The following SAMD13 variants were observed in gnomAD, a reference collection of about 807,000 sequenced individuals.
SAMD13 encodes the protein sterile alpha motif domain-containing protein 13.
A neutral mutation model predicts 12.4 loss-of-function variants in SAMD13; 9 were observed. That is an observed-to-expected ratio of 0.72 (90% CI 0.44 to 1.26). The LOEUF is 1.26. Ranked by LOEUF, SAMD13 falls within the 50% of genes most tolerant of loss-of-function variation. The pLI is 0.00. For synonymous variants in SAMD13, 46 were observed against 45.4 expected, an observed-to-expected ratio of 1.01 and a Z score of -0.05; for missense variants, 84 against 119.6, an observed-to-expected ratio of 0.70 and a Z score of 1.39.
chr1:84,298,596 G>T, upstream of SAMD13: 1 of 1,283,022 alleles, frequency 7.8e-7, no homozygotes. Context: ...CGCCCAGGGC[G>T]TGGGAAGGCG....
At chr1:84,322,230 C>A (rs534423195) in intron 2 of SAMD13, among the ~76,000 whole-genome samples, 2 of 152,192 alleles carry the variant, frequency 1.3e-5, no homozygotes, top group South Asian at 4.2e-4. Flanking sequence ...TCCTTGTAAC[C>A]CTGCATCTAG....
intron 3 of SAMD13, among the ~76,000 whole-genome samples, chr1:84,326,671 A>G (rs985292510): frequency 2.6e-5 from 4 of 152,120 alleles, no homozygotes; most frequent in Non-Finnish European, 4.4e-5. Context: ...TAAGCATTAC[A>G]TTTTCTTTTC....
intron 3 of SAMD13, among the ~76,000 whole-genome samples, chr1:84,332,787 T>A (rs977805779): frequency 2.6e-5 from 4 of 152,210 alleles, no homozygotes; most frequent in African/African-American, 9.6e-5. Context: ...GGCGTCTTTA[T>A]CATGAAATCT....
At chr1:84,322,513 A>C (rs1350867589) in intron 2 of SAMD13, among the ~76,000 whole-genome samples, 2 of 152,182 alleles carry the variant, frequency 1.3e-5, no homozygotes, top group African/African-American at 4.8e-5. Context: ...TTGTTAGTCC[A>C]TTGTAATACT....
At chr1:84,319,624 G>GAAAAAA (rs57599932) in intron 2 of SAMD13, among the ~76,000 whole-genome samples, 4 of 77,748 alleles carry the variant, frequency 5.1e-5, no homozygotes, top group Non-Finnish European at 6.6e-5. Flanking sequence ...GACAGGAAAA[G>GAAAAAA]AAAAAAAAAA....
chr1:84,305,151 A>G (rs1374167249), intron 2 of SAMD13, among the ~76,000 whole-genome samples: 3 of 152,164 alleles, frequency 2.0e-5, no homozygotes, highest in Non-Finnish European at 4.4e-5. Flanking sequence ...AGTGTGTGGC[A>G]TGTTCCAGTT....
intron 1 of SAMD13, 150 bp downstream of exon 1, chr1:84,301,951 T>G: frequency 5.7e-6 from 1 of 173,944 alleles, no homozygotes; most frequent in Non-Finnish European, 1.1e-5. Context: ...AGTTTCCAAC[T>G]GAAGTGAAAT....
intron 2 of SAMD13, among the ~76,000 whole-genome samples, chr1:84,325,360 C>T (rs1306062009): frequency 6.6e-6 from 1 of 152,056 alleles, no homozygotes; most frequent in Non-Finnish European, 1.5e-5. Context: ...GAGGTCATAT[C>T]GTAAAAGGCC....
intron 2 of SAMD13, among the ~76,000 whole-genome samples, chr1:84,319,980 A>G (rs566731930): frequency 2.0e-5 from 3 of 152,128 alleles, no homozygotes; most frequent in Non-Finnish European, 2.9e-5. Flanking sequence ...TTGACTTTCC[A>G]TCCTTCTTTC....
chr1:84,301,615 T>C, upstream of SAMD13: 1 of 985,452 alleles, frequency 1.0e-6, no homozygotes, highest in Non-Finnish European at 1.2e-6. Flanking sequence ...AGAAGGCAGT[T>C]GGTGCAGCTT....
upstream of SAMD13, chr1:84,299,588 A>G: frequency 6.6e-7 from 1 of 1,516,176 alleles, no homozygotes; most frequent in Non-Finnish European, 8.9e-7. Context: ...TACATACTAC[A>G]CACACAACTT....
chr1:84,334,343 G>A (rs770084572), intron 3 of SAMD13, among the ~76,000 whole-genome samples: 13 of 152,052 alleles, frequency 8.5e-5, no homozygotes, highest in Non-Finnish European at 1.8e-4. Context: ...ATGCATACAG[G>A]TGTTTGTAAT....
At chr1:84,299,577 C>G, upstream of SAMD13, 1 of 1,496,808 alleles carries the variant, frequency 6.7e-7, no homozygotes, top group East Asian at 2.5e-5. Flanking sequence ...ATACTTTATG[C>G]TACATACTAC....
chr1:84,324,903 C>T (rs1438372417), intron 2 of SAMD13, among the ~76,000 whole-genome samples: 2 of 152,088 alleles, frequency 1.3e-5, no homozygotes, highest in Non-Finnish European at 2.9e-5. Context: ...TTTATTTGAA[C>T]AATATGGGTT....
At chr1:84,318,538 A>G (rs1678880653) in intron 2 of SAMD13, among the ~76,000 whole-genome samples, 2 of 152,156 alleles carry the variant, frequency 1.3e-5, no homozygotes, top group Admixed American at 1.3e-4. Flanking sequence ...TATCCTGGAT[A>G]ATGTTCCATG....
chr1:84,307,754 C>CTG (rs1174220086), intron 2 of SAMD13, among the ~76,000 whole-genome samples: 2 of 152,124 alleles, frequency 1.3e-5, no homozygotes, highest in Non-Finnish European at 2.9e-5. Context: ...CGCATTTAGA[C>CTG]TGAGGGTATT....
chr1:84,346,938 A>G (rs190840582), intron 3 of SAMD13, among the ~76,000 whole-genome samples: 7 of 152,340 alleles, frequency 4.6e-5, no homozygotes, highest in Non-Finnish European at 2.9e-5. Context: ...ATCAGAACAC[A>G]TCCCATTTCT....
intron 2 of SAMD13, among the ~76,000 whole-genome samples, chr1:84,315,525 A>C (rs764994715): frequency 3.3e-5 from 5 of 152,098 alleles, no homozygotes; most frequent in Non-Finnish European, 7.4e-5. Flanking sequence ...TTCCTGGTTC[A>C]AGGGATCCTC....
At chr1:84,299,585 T>G, upstream of SAMD13, 1 of 1,509,784 alleles carries the variant, frequency 6.6e-7, no homozygotes, top group Non-Finnish European at 8.9e-7. Context: ...TGCTACATAC[T>G]ACACACACAA....
Sources: gnomAD v4.1 joint callset for allele counts (sites outside exome capture counted in the v4.1 genomes callset) on GRCh38, gnomAD v4.1.1 for gene constraint, MANE v1.5 for transcripts, NCBI Gene and HGNC (gene_info 2026-07-23, HGNC 2026-07-21) for gene names.